Variants in NRTN observed in about 807,000 individuals in gnomAD.
The protein encoded by NRTN is prepro-neurturin.
In NRTN, 3 loss-of-function variants were observed where a neutral mutation model predicts 7.5. That is an observed-to-expected ratio of 0.40 (90% CI 0.18 to 1.03). The LOEUF (loss-of-function observed/expected upper bound fraction) is 1.03, where lower values mean the gene tolerates loss of function less well. Ranked by LOEUF, NRTN falls within the 50% of genes least tolerant of loss-of-function variation. The pLI is 0.34. For synonymous variants in NRTN, 157 were observed against 146.6 expected (o/e 1.07, Z -0.51); for missense variants, 310 against 307.0 (o/e 1.01, Z -0.07).
chr19:5,824,832 A>G (rs1209653126), intron 2 of NRTN, among the ~76,000 whole-genome samples: 1 of 152,148 alleles, frequency 6.6e-6, no homozygotes, highest in Non-Finnish European at 1.5e-5. Context: ...GGGTGGAGGG[A>G]GGTTGCAAAT....
At chr19:5,810,093 G>A (rs181005912) in intron 1 of NRTN, among the ~76,000 whole-genome samples, 188 of 150,750 alleles carry the variant, frequency 1.2e-3, no homozygotes, top group African/African-American at 4.4e-3. Flanking sequence ...GCGAAACCCC[G>A]TCTCTACTAA....
At chr19:5,826,679 C>A (rs1032560429) in intron 2 of NRTN, among the ~76,000 whole-genome samples, 6 of 152,218 alleles carry the variant, frequency 3.9e-5, no homozygotes, top group Non-Finnish European at 8.8e-5. Context: ...GGCTGGGAGT[C>A]CCCTGCCTGC....
In NRTN at chr19:5,823,174, T is replaced by C. The variant is rs1160421760; in HGVS notation, c.-398-594T>C. ...GCTCATGCCTGTAATCCCAGCACTT[T>C]GGGAGGCCAAGGTGGGCGGATCACT... On this transcript the variant is annotated intron_variant, in intron 1 of 2. Coordinates refer to ENST00000303212, the MANE Select transcript of NRTN (RefSeq NM_004558.5). 3.3e-5 allele frequency among the ~76,000 whole-genome samples: 5 copies of C among 152,230 alleles called. No homozygotes were observed. The East Asian group carries it at 9.7e-4, about 29-fold the overall frequency.
chr19:5,817,368 A>G (rs2057008126), intron 1 of NRTN, among the ~76,000 whole-genome samples: 1 of 145,274 alleles, frequency 6.9e-6, no homozygotes, highest in African/African-American at 2.5e-5. Context: ...AGAGAGAGAG[A>G]GGGAAGGAAG....
Position 5,828,236 on chromosome 19 carries a change from C to A in NRTN, c.*63C>A. On this transcript the variant is annotated 3_prime_UTR_variant, in exon 3 of 3. Coordinates refer to ENST00000303212, the MANE Select transcript of NRTN (RefSeq NM_004558.5). The stretch of plus-strand genomic sequence containing the variant: ...CGCCTCGACGGCACCACTGGCCGGC[C>A]CCGCGAAAGACTGCGCGTGCGTAGA... 2.7e-6 allele frequency: 4 copies of A among 1,506,890 alleles called. No individual in the cohort carries two copies. Among genetic ancestry groups the A allele is most frequent in the Non-Finnish European group, 3.5e-6 (4 of 1,129,454 alleles). The allele number at this position is 1,506,890 out of a possible 1,614,324, so 93.3% of individuals were successfully genotyped here.
chr19:5,807,491 C>T (rs1229140040), intron 1 of NRTN, among the ~76,000 whole-genome samples: 1 of 152,140 alleles, frequency 6.6e-6, no homozygotes, highest in African/African-American at 2.4e-5. Flanking sequence ...CAGCCTTGCA[C>T]TTGCAGGGCT....
chr19:5,827,706 T>G, intron 2 of NRTN, 43 bp from the exon 3 acceptor site: 190 of 206,326 alleles, frequency 9.2e-4, no homozygotes, highest in Non-Finnish European at 1.6e-3. Context: ...TCCCACCCCC[T>G]GCACCCACTG....
intron 1 of NRTN, among the ~76,000 whole-genome samples, chr19:5,818,555 C>A (rs1314520107): frequency 6.6e-6 from 1 of 151,950 alleles, no homozygotes; most frequent in Non-Finnish European, 1.5e-5. Flanking sequence ...CCTGTGTACC[C>A]CTGTGTGTGT....
At chr19:5,807,379 G>C (rs1277198294) in intron 1 of NRTN, among the ~76,000 whole-genome samples, 1 of 152,196 alleles carries the variant, frequency 6.6e-6, no homozygotes, top group Non-Finnish European at 1.5e-5. Flanking sequence ...CTCCGCTGAT[G>C]CATCTCCCTG....
In NRTN at chr19:5,828,101, G is replaced by A. The variant is rs2057055747; in HGVS notation, c.522G>A (p.Val174=). 2.7e-6 allele frequency: 4 copies of A among 1,500,548 alleles called. No homozygotes were observed. The highest frequency in any genetic ancestry group is 3.5e-6 in the Non-Finnish European group (4 of 1,132,506). 93.0% of individuals were successfully genotyped at this position (1,500,548 alleles called of 1,614,324 possible). The stretch of plus-strand genomic sequence containing the variant: ...GCCCGACGGCCTACGAGGACGAGGT[G>A]TCCTTCCTGGACGCGCACAGCCGCT... ...CCRPTAYEDE[V]SFLDAHSRYH... Residue 174 remains valine, a synonymous_variant, in exon 3 of 3, where the codon GTG becomes GTA. Coordinates refer to ENST00000303212, the MANE Select transcript of NRTN (RefSeq NM_004558.5).
At position 5,806,625 on chromosome 19, in the gene NRTN, C is replaced by T. The variant is rs2056975835; in HGVS notation, c.-399+1174C>T. ...TTGCCTTGGGGCCCTTTGGACACCCCTCCCTCCTCCCTTCATCCTAAGACT... is the reference window on the plus strand; with the variant it reads ...TTGCCTTGGGGCCCTTTGGACACCCTTCCCTCCTCCCTTCATCCTAAGACT... On this transcript the variant is annotated intron_variant, in intron 1 of 2. Coordinates refer to ENST00000303212, the MANE Select transcript of NRTN (RefSeq NM_004558.5). This position sits in a 1 kb window ranked among gnomAD's most constrained non-coding sequence, Gnocchi z 5.4. Among the ~76,000 whole-genome samples the T allele has an allele frequency of 6.6e-6, 1 of 152,158 alleles. No homozygotes were observed. The highest frequency in any genetic ancestry group is 1.5e-5 in the Non-Finnish European group (1 of 68,042).
chr19:5,823,090 AGAAAGAAAGAAAAAG>A (rs1461245297), intron 1 of NRTN, among the ~76,000 whole-genome samples: 3 of 97,424 alleles, frequency 3.1e-5, no homozygotes, highest in Non-Finnish European at 5.3e-5. Flanking sequence ...GAAAGAGAGA[AGAAAGAAAGAAAAAG>A]GAAAGAAAGA....
rs181886745 is a variant in NRTN, at chr19:5,814,014, T to A, written c.-399+8563T>A. On this transcript the variant is annotated intron_variant, in intron 1 of 2. Transcript: ENST00000303212. ...CAGAGCCAGACTCCGTCTCAAAAAATATATATATATATGGGGAAACTGAGT... is the reference window on the plus strand; with the variant it reads ...CAGAGCCAGACTCCGTCTCAAAAAAAATATATATATATGGGGAAACTGAGT... Among the ~76,000 whole-genome samples the A allele has an allele frequency of 5.5e-3, 827 of 151,508 alleles. 5 individuals carry two copies. Among genetic ancestry groups the A allele is most frequent in the African/African-American group, 0.016 (682 of 41,360 alleles).
In NRTN at chr19:5,828,155, C is replaced by A; in HGVS notation, c.576C>A (p.Arg192=). ...ACACGGTGCACGAGCTGTCGGCGCG[C>A]GAGTGCGCCTGCGTGTGACCCTACC... ...RYHTVHELSA[R]ECACV The change falls in exon 3 of 3, where the codon CGC becomes CGA. Residue 192 remains arginine (R), a synonymous_variant. Coordinates refer to ENST00000303212, the MANE Select transcript of NRTN (RefSeq NM_004558.5). 1 of 1,530,018 alleles carries A rather than the reference C, an allele frequency of 6.5e-7. No individual in the cohort carries two copies. Among genetic ancestry groups the A allele is most frequent in the African/African-American group, 1.4e-5 (1 of 72,398 alleles). 94.8% of individuals were successfully genotyped at this position (1,530,018 alleles called of 1,614,324 possible).
At chr19:5,825,873 G>GC (rs2057044006) in intron 2 of NRTN, among the ~76,000 whole-genome samples, 1 of 152,198 alleles carries the variant, frequency 6.6e-6, no homozygotes, top group African/African-American at 2.4e-5. Context: ...GGTGGCTCAC[G>GC]CCTGTGATCC....
Position 5,810,883 on chromosome 19 carries a change from C to T in NRTN, c.-399+5432C>T, listed in dbSNP as rs190317717. 9.2e-4 allele frequency among the ~76,000 whole-genome samples: 138 copies of T among 150,454 alleles called. No individual in the cohort carries two copies. In the East Asian group the frequency reaches 0.019, roughly 21 times the overall value. ...GGCAGAGGTTGCACTGAGCTGAGAT[C>T]GCTCCACTGCACTCCAGCCTGGCAA... is the stretch of plus-strand genomic sequence containing the variant. On this transcript the variant is annotated intron_variant, in intron 1 of 2. Transcript: ENST00000303212.
rs1489580898 is a variant in NRTN at position 5,806,131 on chromosome 19, G to T, written c.-399+680G>T. 6.6e-6 allele frequency among the ~76,000 whole-genome samples: 1 copy of T among 152,144 alleles called. No individual in the cohort carries two copies. ...GCCTTTCCTGCTTTTTATAAAAGGT[G>T]TCTCCTGCACGGGGATAGCCCCGAA... On this transcript the variant is annotated intron_variant, in intron 1 of 2. Transcript: ENST00000303212. This position sits in a 1 kb window ranked among gnomAD's most constrained non-coding sequence, Gnocchi z 5.4.
intron 2 of NRTN, among the ~76,000 whole-genome samples, chr19:5,825,005 G>A (rs537653611): frequency 5.5e-4 from 84 of 152,174 alleles, no homozygotes; most frequent in African/African-American, 2.0e-3. Context: ...CAGGGGGGGC[G>A]GTGGGAGGAG....
At chr19:5,814,472 G>C (rs1172170499) in intron 1 of NRTN, among the ~76,000 whole-genome samples, 1 of 152,222 alleles carries the variant, frequency 6.6e-6, no homozygotes, top group Non-Finnish European at 1.5e-5. Context: ...TCTCTCAGGT[G>C]CTACTCTTTG....
Sources: allele counts gnomAD v4.1 joint callset (sites outside exome capture counted in the v4.1 genomes callset), GRCh38; gene constraint gnomAD v4.1.1; non-coding constraint Gnocchi (gnomAD v3.1); transcripts MANE v1.5; gene names NCBI Gene and HGNC (gene_info 2026-07-23, HGNC 2026-07-21).